Variants in IFIT3 observed in about 807,000 individuals in gnomAD.
The protein encoded by IFIT3 is interferon-induced protein with tetratricopeptide repeats 3.
Under a neutral mutation model 2.4 loss-of-function variants are expected in IFIT3, and 2 were observed. The ratio of observed to expected loss-of-function variants is 0.82; its 90% confidence interval spans 0.34 to 2.60. The LOEUF (loss-of-function observed/expected upper bound fraction) is 2.60, where lower values mean the gene tolerates loss of function less well. Ranked by LOEUF, IFIT3 falls within the 30% of genes most tolerant of loss-of-function variation. The probability of loss-of-function intolerance (pLI) is 0.11; values close to 1 mark genes in which losing one functional copy is unlikely to be tolerated. For synonymous variants in IFIT3, 203 were observed against 212.1 expected (o/e 0.96, Z 0.37); for missense variants, 481 against 562.4 (o/e 0.86, Z 1.46).
In IFIT3 at chr10:89,338,917, C is replaced by A. The variant is rs1843795197; in HGVS notation, c.262C>A (p.Gln88Lys). ...EELIQQEHAD[Q>K]AEIRSLVTWG... ...GTTAATCCAGCAAGAACATGCTGAC[C>A]AAGCAGAAATCAGAAGTCTAGTCAC... Residue 88 changes from glutamine (Q) to lysine (K), a missense_variant, in exon 2 of 2, where the codon CAA becomes AAA. Transcript: ENST00000371818. 1 of 1,614,134 alleles carries A rather than the reference C, an allele frequency of 6.2e-7. No homozygotes were observed. Among genetic ancestry groups the A allele is most frequent in the Non-Finnish European group, 8.5e-7 (1 of 1,180,002 alleles).
chr10:89,337,389 T>C (rs1036659568), intron 1 of IFIT3, among the ~76,000 whole-genome samples: 1 of 152,182 alleles, frequency 6.6e-6, no homozygotes, highest in African/African-American at 2.4e-5. Flanking sequence ...TGGTATTTTT[T>C]AATTTTTATT....
At chr10:89,332,395 A>T in intron 1 of IFIT3, 1 of 1,036,326 alleles carries the variant, frequency 9.6e-7, no homozygotes, top group Non-Finnish European at 1.3e-6. Flanking sequence ...TGTCTGGAAC[A>T]TGTTCCTGGC....
intron 1 of IFIT3, among the ~76,000 whole-genome samples, chr10:89,337,979 A>G (rs914390077): frequency 8.5e-5 from 13 of 152,212 alleles, no homozygotes; most frequent in Non-Finnish European, 1.8e-4. Flanking sequence ...TTTAGTATAA[A>G]ATAGGCTTTG....
chr10:89,338,297 C>A, intron 1 of IFIT3: 1 of 182,006 alleles, frequency 5.5e-6, no homozygotes, highest in Middle Eastern at 2.7e-3. Flanking sequence ...GTCTGAGAAC[C>A]AGGTAAGCCA....
rs1843836681 is a variant in IFIT3 at position 89,340,059 on chromosome 10, G to C, written c.1404G>C (p.Glu468Asp). ...LSASELEDGS[E>D]EMGQGAVSSS... The stretch of plus-strand genomic sequence containing the variant: ...CATCTGAGCTTGAGGATGGTAGTGA[G>C]GAAATGGGCCAGGGCGCAGTCAGCT... Residue 468 changes from glutamate to aspartate, a missense_variant, in exon 2 of 2, where the codon GAG (glutamate) becomes GAC (aspartate). Coordinates refer to ENST00000371818, the MANE Select transcript of IFIT3 (RefSeq NM_001549.6). The C allele has an allele frequency of 6.2e-7, 1 of 1,614,110 alleles. No individual in the cohort carries two copies. Among genetic ancestry groups the C allele is most frequent in the Non-Finnish European group, 8.5e-7 (1 of 1,179,986 alleles).
intron 1 of IFIT3, among the ~76,000 whole-genome samples, chr10:89,333,061 A>G (rs966496767): frequency 6.6e-6 from 1 of 152,244 alleles, no homozygotes; most frequent in Admixed American, 6.5e-5. Context: ...ATGTGTCAAT[A>G]ATTAATTCAG....
intron 1 of IFIT3, among the ~76,000 whole-genome samples, chr10:89,331,400 T>A (rs931182068): frequency 6.6e-6 from 1 of 152,168 alleles, no homozygotes; most frequent in Non-Finnish European, 1.5e-5. Context: ...CTTGAACTCC[T>A]GACCTTAAGT....
intron 1 of IFIT3, among the ~76,000 whole-genome samples, chr10:89,331,428 C>T (rs1843648622): frequency 6.6e-6 from 1 of 152,212 alleles, no homozygotes; most frequent in South Asian, 2.1e-4. Context: ...CCACCTTGGC[C>T]TCCCAAAGTG....
intron 1 of IFIT3, 128 bp from the exon 2 acceptor site, chr10:89,338,533 C>A: frequency 1.2e-6 from 1 of 866,738 alleles, no homozygotes; most frequent in Non-Finnish European, 1.8e-6. Context: ...CATACATACC[C>A]AGAAATAATG....
rs774998443 is a variant in IFIT3 at position 89,339,534 on chromosome 10, G to A, written c.879G>A (p.Gln293=). The A allele has an allele frequency of 2.5e-6, 4 of 1,614,098 alleles. No individual in the cohort carries two copies. The highest frequency in any genetic ancestry group is 3.4e-6 in the Non-Finnish European group (4 of 1,179,970). The change falls in exon 2 of 2, where the codon CAG becomes CAA. Residue 293 remains glutamine, a synonymous_variant. Transcript: ENST00000371818. ...ACAAGGCAAAAGTAAGACAAATGCA[G>A]AATACAGGAGAATCTGAAGCTAGTG... ...CCYKAKVRQM[Q]NTGESEASGN...
chr10:89,333,630 CT>C (rs1409020380), intron 1 of IFIT3, among the ~76,000 whole-genome samples: 26 of 152,208 alleles, frequency 1.7e-4, no homozygotes, highest in African/African-American at 6.3e-4. Flanking sequence ...AGCCCAGGGG[CT>C]CCAGACCAGA....
Position 89,339,348 on chromosome 10 carries a change from A to C in IFIT3, c.693A>C (p.Glu231Asp). The C allele has an allele frequency of 6.2e-7, 1 of 1,613,740 alleles. No individual in the cohort carries two copies. The change falls in exon 2 of 2, where the codon GAA (glutamate) becomes GAC (aspartate). Residue 231 changes from glutamate to aspartate, a missense_variant. Coordinates refer to ENST00000371818, the MANE Select transcript of IFIT3 (RefSeq NM_001549.6). ...NKEAEGEQFV[E>D]EALEKSPCQT... is the part of the protein sequence containing the mutation. ...AAGCTGAAGGAGAGCAGTTTGTTGA[A>C]GAAGCCTTGGAAAAGTCTCCTTGCC...
chr10:89,332,779 T>C, intron 1 of IFIT3: 1 of 857,986 alleles, frequency 1.2e-6, no homozygotes, highest in South Asian at 1.6e-5. Context: ...TTTATTTCTG[T>C]AGCTCTTTGT....
chr10:89,340,965 G>A lies in IFIT3; in HGVS notation c.*837G>A, dbSNP rs1843862974. ...CAATAAATCCAAACATTTCAACTCT[G>A]TTAGAATAGAGGTAATTGTGTGGTT... On this transcript the variant is annotated 3_prime_UTR_variant, in exon 2 of 2. Transcript: ENST00000371818. 6.6e-6 allele frequency: 1 copy of A among 152,152 alleles called. No homozygotes were observed. The highest frequency in any genetic ancestry group is 2.1e-4 in the South Asian group (1 of 4,832). The allele number at this position is 152,152 out of a possible 1,614,324, so 9.4% of individuals were successfully genotyped here. A position where few individuals can be genotyped will look rare whatever the true frequency, so the allele number is the denominator to read the frequency against.
chr10:89,331,203 C>T (rs1469482926), intron 1 of IFIT3, among the ~76,000 whole-genome samples: 1 of 152,132 alleles, frequency 6.6e-6, no homozygotes, highest in African/African-American at 2.4e-5. Context: ...GACAGAGTCT[C>T]ACTCTGTCAC....
intron 1 of IFIT3, among the ~76,000 whole-genome samples, chr10:89,332,905 T>C (rs1843671879): frequency 6.6e-6 from 1 of 152,154 alleles, no homozygotes; most frequent in African/African-American, 2.4e-5. Context: ...TCAGGTAAAA[T>C]CGGGCCAGTG....
intron 1 of IFIT3, among the ~76,000 whole-genome samples, chr10:89,331,475 C>T (rs1280060852): frequency 1.3e-5 from 2 of 152,106 alleles, no homozygotes; most frequent in African/African-American, 2.4e-5. Context: ...GCCTGGCCAA[C>T]ATTTTCCATA....
rs1843808345 is a variant in IFIT3 at position 89,339,323 on chromosome 10, A to G, written c.668A>G (p.Glu223Gly). ...CTGAAACTGCAGAAGATGAATAAAGAAGCTGAAGGAGAGCAGTTTGTTGAA... is the reference window on the plus strand; with the variant it reads ...CTGAAACTGCAGAAGATGAATAAAGGAGCTGAAGGAGAGCAGTTTGTTGAA... ...LGLKLQKMNK[E>G]AEGEQFVEEA... The change falls in exon 2 of 2, where the codon GAA (glutamate) becomes GGA (glycine). Residue 223 changes from glutamate (E) to glycine (G), a missense_variant. Glu to Gly is a moderately conservative substitution (Grantham distance 98). Coordinates refer to ENST00000371818, the MANE Select transcript of IFIT3 (RefSeq NM_001549.6). 6.2e-7 allele frequency: 1 copy of G among 1,613,666 alleles called. No homozygotes were observed. The highest frequency in any genetic ancestry group is 8.5e-7 in the Non-Finnish European group (1 of 1,179,840).
chr10:89,330,300 T>C (rs973821221), intron 1 of IFIT3, among the ~76,000 whole-genome samples: 1 of 152,164 alleles, frequency 6.6e-6, no homozygotes, highest in Non-Finnish European at 1.5e-5. Context: ...AAATGGGGCT[T>C]AGAAGGGCAA....
Sources: gnomAD v4.1 joint callset for allele counts (sites outside exome capture counted in the v4.1 genomes callset) on GRCh38, gnomAD v4.1.1 for gene constraint, MANE v1.5 for transcripts, NCBI Gene and HGNC (gene_info 2026-07-23, HGNC 2026-07-21) for gene names.